The following RFX8 variants were observed in gnomAD, a reference collection of about 807,000 sequenced individuals.
RFX8 encodes DNA-binding protein RFX8.
In RFX8, 46 loss-of-function variants were observed where a neutral mutation model predicts 54.6. That is an observed-to-expected ratio of 0.84 (90% CI 0.67 to 1.08). The LOEUF is 1.08. RFX8 is among the 50% of genes least tolerant of loss of function. The probability of loss-of-function intolerance (pLI) is 0.00; values close to 1 mark genes in which losing one functional copy is unlikely to be tolerated. For synonymous variants in RFX8, 192 were observed against 209.5 expected, an observed-to-expected ratio of 0.92 and a Z score of 0.72; for missense variants, 536 against 562.3, an observed-to-expected ratio of 0.95 and a Z score of 0.47.
chr2:101,418,852 T>C lies in RFX8; in HGVS notation c.350A>G (p.Lys117Arg), dbSNP rs1229836340. 1 of 1,541,370 alleles carries C rather than the reference T, an allele frequency of 6.5e-7. No individual in the cohort carries two copies. Among genetic ancestry groups the C allele is most frequent in the East Asian group, 2.4e-5 (1 of 40,878 alleles). ...LFKCYDVQLY[K>R]GIEDVLLHDF... ...CTAGAGACTCACGCGTCCTCCTACC[T>C]TGTACAGCTGGACGTCGTAGCATTT... Residue 117 changes from lysine to arginine, a missense_variant and splice_region_variant, in exon 5 of 12, where the codon AAG (lysine) becomes AGG (arginine). Transcript: ENST00000428343.
chr2:101,440,966 A>ATTT lies in RFX8; in HGVS notation c.73-18497_73-18495dup, dbSNP rs70946645. Among the ~76,000 whole-genome samples, 11 of 113,454 alleles carry ATTT rather than the reference A, an allele frequency of 9.7e-5. 1 individual carries two copies. Among genetic ancestry groups the ATTT allele is most frequent in the Non-Finnish European group, 1.1e-4 (6 of 57,092 alleles). 74.4% of individuals were successfully genotyped at this position (113,454 alleles called of 152,430 possible). A position where few individuals can be genotyped will look rare whatever the true frequency, so the allele number is the denominator to read the frequency against. The stretch of plus-strand genomic sequence containing the variant: ...TGTCCCCTCTGAAACCCATGTTGAA[A>ATTT]TTTTTTTTTTTTTTTTTTGAGACAG... On this transcript the variant is annotated intron_variant, in intron 2 of 11. Coordinates refer to ENST00000428343, the MANE Select transcript of RFX8 (RefSeq NM_001145664.2).
In RFX8 at chr2:101,412,898, T is replaced by C; in HGVS notation, c.718+17A>G. On this transcript the variant is annotated intron_variant, in intron 8 of 11. Transcript: ENST00000428343. Reference sequence around the variant, plus strand: ...TGCCCAACACGCCAATAAAGCAAGCTGCAGAAGGAAGATTACATTTCATCT... The same window carrying C: ...TGCCCAACACGCCAATAAAGCAAGCCGCAGAAGGAAGATTACATTTCATCT... 6.5e-7 allele frequency: 1 copy of C among 1,542,714 alleles called. No individual in the cohort carries two copies. The highest frequency in any genetic ancestry group is 2.1e-5 in the Admixed American group (1 of 48,778).
chr2:101,419,199 C>T (rs1286433815), intron 4 of RFX8, among the ~76,000 whole-genome samples: 1 of 152,154 alleles, frequency 6.6e-6, no homozygotes. Flanking sequence ...TTAATATTTT[C>T]TTGAGGCAGT....
chr2:101,463,349 C>G (rs1558890939), intron 2 of RFX8, among the ~76,000 whole-genome samples: 1 of 152,220 alleles, frequency 6.6e-6, no homozygotes, highest in Non-Finnish European at 1.5e-5. Context: ...TGTGGGCCCC[C>G]TCAGGCCTGA....
intron 6 of RFX8, among the ~76,000 whole-genome samples, chr2:101,416,703 T>C (rs1335397476): frequency 2.0e-5 from 3 of 152,054 alleles, no homozygotes; most frequent in East Asian, 3.9e-4. Flanking sequence ...TCCAGGATGA[T>C]CCGACAGGGC....
intron 8 of RFX8, among the ~76,000 whole-genome samples, chr2:101,411,508 G>T (rs113399590): frequency 6.6e-6 from 1 of 151,704 alleles, no homozygotes; most frequent in African/African-American, 2.4e-5. Flanking sequence ...GGGGGAGGGG[G>T]TGTCTCATGC....
chr2:101,440,578 G>A (rs921351766), intron 2 of RFX8, among the ~76,000 whole-genome samples: 1 of 152,180 alleles, frequency 6.6e-6, no homozygotes, highest in African/African-American at 2.4e-5. Flanking sequence ...CCCTCATGGG[G>A]GAGGGGAGAG....
intron 2 of RFX8, among the ~76,000 whole-genome samples, chr2:101,463,833 T>C (rs1440608670): frequency 6.6e-6 from 1 of 152,194 alleles, no homozygotes; most frequent in African/African-American, 2.4e-5. Flanking sequence ...AGCCCAGGCC[T>C]AGTTCTCTGT....
chr2:101,424,227 GTCT>G (rs1384330198), intron 2 of RFX8, among the ~76,000 whole-genome samples: 1 of 152,088 alleles, frequency 6.6e-6, no homozygotes, highest in East Asian at 1.9e-4. Context: ...CAGAAGATGG[GTCT>G]TCTTGACATT....
intron 8 of RFX8, among the ~76,000 whole-genome samples, chr2:101,411,000 C>T (rs947537585): frequency 1.3e-5 from 2 of 152,240 alleles, no homozygotes; most frequent in African/African-American, 4.8e-5. Context: ...ATTATCCAGA[C>T]CTTGTCTTCA....
At chr2:101,404,705 G>A (rs745585710) in intron 10 of RFX8, among the ~76,000 whole-genome samples, 1 of 152,100 alleles carries the variant, frequency 6.6e-6, no homozygotes, top group Non-Finnish European at 1.5e-5. Flanking sequence ...GGGATTACAG[G>A]TGTGAGCCAC....
At position 101,434,393 on chromosome 2, in the gene RFX8, C is replaced by T. The variant is rs569416809; in HGVS notation, c.73-11921G>A. On this transcript the variant is annotated intron_variant, in intron 2 of 11. Coordinates refer to ENST00000428343, the MANE Select transcript of RFX8 (RefSeq NM_001145664.2). ...TTATATTACTTAACTGTATCCTGAC[C>T]CATTCGATTTTATGAACAGCTTAAC... Among the ~76,000 whole-genome samples the T allele has an allele frequency of 2.1e-3, 323 of 152,218 alleles. 3 individuals carry two copies. Among genetic ancestry groups the T allele is most frequent in the South Asian group, 0.011 (53 of 4,818 alleles).
At chr2:101,417,474 G>A (rs761690982) in intron 6 of RFX8, 60 bp downstream of exon 6, 5 of 1,472,816 alleles carry the variant, frequency 3.4e-6, no homozygotes, top group Non-Finnish European at 4.6e-6. Context: ...CCAAAGTGCT[G>A]GGATTACAGG....
chr2:101,444,595 A>G (rs991018520), intron 2 of RFX8, among the ~76,000 whole-genome samples: 4 of 152,252 alleles, frequency 2.6e-5, no homozygotes, highest in African/African-American at 9.6e-5. Context: ...AGTCATTATA[A>G]AAATGCTCCA....
intron 2 of RFX8, among the ~76,000 whole-genome samples, chr2:101,437,567 G>C (rs1476284062): frequency 6.6e-6 from 1 of 151,106 alleles, no homozygotes; most frequent in Non-Finnish European, 1.5e-5. Flanking sequence ...TGGGCAACAG[G>C]TGTTTCAAAA....
intron 4 of RFX8, chr2:101,421,135 T>A: frequency 2.1e-6 from 1 of 484,522 alleles, no homozygotes; most frequent in Non-Finnish European, 2.7e-6. Context: ...ATGAGCGTTA[T>A]CACCCAAAGT....
At chr2:101,454,451 AG>A (rs1688858914) in intron 2 of RFX8, among the ~76,000 whole-genome samples, 3 of 152,234 alleles carry the variant, frequency 2.0e-5, no homozygotes, top group Non-Finnish European at 4.4e-5. Context: ...TTCTAGTTCT[AG>A]AACCTTGAGG....
At chr2:101,414,561 C>T (rs1340895358) in intron 7 of RFX8, among the ~76,000 whole-genome samples, 1 of 152,102 alleles carries the variant, frequency 6.6e-6, no homozygotes, top group African/African-American at 2.4e-5. Context: ...GGTACGAGCC[C>T]CCCACGCCTG....
chr2:101,468,980 ATATATATATAAG>A (rs1689736041), intron 1 of RFX8, among the ~76,000 whole-genome samples: 3 of 113,320 alleles, frequency 2.6e-5, no homozygotes, highest in East Asian at 2.4e-4. Flanking sequence ...ATATGTAAGT[ATATATATATAAG>A]TATATATATA....
Sources: gnomAD v4.1 joint callset for allele counts (sites outside exome capture counted in the v4.1 genomes callset) on GRCh38, gnomAD v4.1.1 for gene constraint, MANE v1.5 for transcripts, NCBI Gene and HGNC (gene_info 2026-07-23, HGNC 2026-07-21) for gene names.